The following TOGARAM2 variants were observed in gnomAD, a reference collection of about 807,000 sequenced individuals.
The protein encoded by TOGARAM2 is TOG array regulator of axonemal microtubules 2.
Under a neutral mutation model 93.3 loss-of-function variants are expected in TOGARAM2, and 85 were observed. That is an observed-to-expected ratio of 0.91 (90% CI 0.76 to 1.09). The LOEUF is 1.09. TOGARAM2 is among the 50% of genes least tolerant of loss of function. The probability of loss-of-function intolerance (pLI) is 0.00; values close to 1 mark genes in which losing one functional copy is unlikely to be tolerated. For missense variants in TOGARAM2, 1,277 were observed against 1,334.5 expected (o/e 0.96, Z 0.67); for synonymous variants, 593 against 552.8 (o/e 1.07, Z -1.02).
chr2:28,982,959 C>T (rs1672275664), intron 1 of TOGARAM2, among the ~76,000 whole-genome samples: 2 of 151,746 alleles, frequency 1.3e-5, no homozygotes, highest in African/African-American at 2.4e-5. Flanking sequence ...TCAAGTTTTC[C>T]ATCTATGTCT....
intron 13 of TOGARAM2, among the ~76,000 whole-genome samples, chr2:29,025,180 T>C (rs13008323): frequency 0.3 from 45,090 of 151,850 alleles, 6,796 homozygotes; most frequent in Middle Eastern, 0.35. Context: ...CCAGCCACAT[T>C]GCCTGGGTTC....
At chr2:29,001,281 G>A (rs748270646) in intron 4 of TOGARAM2, among the ~76,000 whole-genome samples, 1 of 152,186 alleles carries the variant, frequency 6.6e-6, no homozygotes, top group Non-Finnish European at 1.5e-5. Flanking sequence ...AGCACCGGAA[G>A]CCAGGAGGGG....
chr2:28,999,540 G>A (rs369783008), intron 4 of TOGARAM2, 72 bp downstream of exon 4: 4 of 1,477,866 alleles, frequency 2.7e-6, no homozygotes, highest in African/African-American at 2.8e-5. Context: ...CCAGGGCTGT[G>A]AGGGTCAGCA....
At chr2:28,977,260 A>G (rs1558395887), upstream of TOGARAM2, among the ~76,000 whole-genome samples, 1 of 152,174 alleles carries the variant, frequency 6.6e-6, no homozygotes, top group Non-Finnish European at 1.5e-5. Flanking sequence ...GCCATGCCCT[A>G]TGCTAACCAT....
chr2:29,052,126 C>G lies in TOGARAM2; in HGVS notation c.*33C>G. On this transcript the variant is annotated 3_prime_UTR_variant, in exon 20 of 20. Transcript: ENST00000379558. ...TCTGAAATGGGCAATTATTATTTAT[C>G]TTATTTTTTTGATGGACTATTCTCC... 2 of 1,484,884 alleles carry G rather than the reference C, an allele frequency of 1.3e-6. No individual in the cohort carries two copies. The highest frequency in any genetic ancestry group is 9.0e-7 in the Non-Finnish European group (1 of 1,114,034). 92.0% of individuals were successfully genotyped at this position (1,484,884 alleles called of 1,614,324 possible).
At chr2:28,997,193 C>G (rs1188784467) in intron 2 of TOGARAM2, among the ~76,000 whole-genome samples, 1 of 150,938 alleles carries the variant, frequency 6.6e-6, no homozygotes, top group Non-Finnish European at 1.5e-5. Context: ...TATTTGCAAA[C>G]TATCCATCCG....
intron 6 of TOGARAM2, among the ~76,000 whole-genome samples, chr2:29,007,410 A>G (rs1199251986): frequency 1.3e-5 from 2 of 152,022 alleles, no homozygotes; most frequent in African/African-American, 2.4e-5. Context: ...TCTCAGTGTC[A>G]TCTTTGACCC....
intron 18 of TOGARAM2, among the ~76,000 whole-genome samples, 154 bp downstream of exon 18, chr2:29,036,911 C>A (rs1666149436): frequency 6.6e-6 from 1 of 152,064 alleles, no homozygotes; most frequent in Admixed American, 6.6e-5. Context: ...GCCTCCAAGG[C>A]TCTTGGCCAG....
chr2:28,984,942 C>T (rs1414894300), intron 1 of TOGARAM2, among the ~76,000 whole-genome samples: 2 of 152,126 alleles, frequency 1.3e-5, no homozygotes, highest in African/African-American at 4.8e-5. Context: ...TGCTGAAGGC[C>T]TTGCCAGCTG....
At chr2:28,966,390 G>A (rs946938315) in intron 1 of TOGARAM2, among the ~76,000 whole-genome samples, 16 of 152,022 alleles carry the variant, frequency 1.1e-4, no homozygotes, top group South Asian at 1.0e-3. Context: ...CTCCACCTCC[G>A]GCGTTCAAGC....
chr2:29,017,304 G>T lies in TOGARAM2; in HGVS notation c.1195G>T (p.Gly399Cys). 1 of 1,593,742 alleles carries T rather than the reference G, an allele frequency of 6.3e-7. No homozygotes were observed. Among genetic ancestry groups the T allele is most frequent in the South Asian group, 1.1e-5 (1 of 88,418 alleles). The change falls in exon 9 of 20, where the codon GGC becomes TGC. Residue 399 changes from glycine (G) to cysteine (C), a missense_variant and splice_region_variant. Transcript: ENST00000379558. ...CTCCCAGAGAGCCTTCATGAAGGAA[G>T]GTACTGGGTGCCTGGTGTGGGATTT... Reference protein sequence around the residue: ...LGSQRAFMKEGLLPLRGSGTL... With the variant: ...LGSQRAFMKECLLPLRGSGTL...
chr2:29,026,784 T>C, intron 13 of TOGARAM2, 69 bp from the exon 14 acceptor site: 1 of 1,421,224 alleles, frequency 7.0e-7, no homozygotes, highest in Admixed American at 2.6e-5. Context: ...GGTAGATCCA[T>C]GTTTGCCAGC....
rs1209126138 is a variant in TOGARAM2, at chr2:29,036,542, T to A, written c.2420T>A (p.Val807Asp). ...TCTTGGTTTCTGTTTCTTCAATAGG[T>A]CTTTGATGCTTTCACCCCAAGGCTT... is the stretch of plus-strand genomic sequence containing the variant. ...TELVTAHLVQVFDAFTPRLQD... is the reference protein window; with the variant it reads ...TELVTAHLVQDFDAFTPRLQD... The change falls in exon 18 of 20, where the codon GTC becomes GAC. Residue 807 changes from valine (V) to aspartate (D), a missense_variant and splice_region_variant. By Grantham distance (152) the Val-to-Asp change is radical. Transcript: ENST00000379558. 6.2e-7 allele frequency: 1 copy of A among 1,613,866 alleles called. No individual in the cohort carries two copies. Among genetic ancestry groups the A allele is most frequent in the African/African-American group, 1.3e-5 (1 of 74,976 alleles).
chr2:29,037,781 T>A (rs1023101700), intron 18 of TOGARAM2, among the ~76,000 whole-genome samples: 1 of 152,250 alleles, frequency 6.6e-6, no homozygotes, highest in Non-Finnish European at 1.5e-5. Flanking sequence ...CTGAGTTTGT[T>A]GCTGTAGAAC....
At chr2:29,027,111 A>C (rs1458432303) in intron 14 of TOGARAM2, 100 bp downstream of exon 14, 19 of 1,222,222 alleles carry the variant, frequency 1.6e-5, no homozygotes, top group Non-Finnish European at 2.0e-5. Context: ...GATCCTGCAG[A>C]GGGACAGGCA....
At chr2:28,961,503 G>A (rs561628465) in intron 1 of TOGARAM2, among the ~76,000 whole-genome samples, 9 of 151,898 alleles carry the variant, frequency 5.9e-5, no homozygotes, top group South Asian at 4.2e-4. Context: ...CACCATGCCC[G>A]GCTAATTTTT....
At chr2:28,969,183 G>A (rs192253190) in intron 1 of TOGARAM2, among the ~76,000 whole-genome samples, 76 of 152,372 alleles carry the variant, frequency 5.0e-4, no homozygotes, top group African/African-American at 1.8e-3. Flanking sequence ...CTAGCTGGGC[G>A]TCAGGAGATT....
intron 8 of TOGARAM2, among the ~76,000 whole-genome samples, chr2:29,015,640 AGTT>A (rs1664520285): frequency 6.6e-6 from 1 of 152,172 alleles, no homozygotes; most frequent in Non-Finnish European, 1.5e-5. Flanking sequence ...CCCACATTGG[AGTT>A]GCCAATGACC....
intron 7 of TOGARAM2, among the ~76,000 whole-genome samples, chr2:29,011,915 T>A (rs148412549): frequency 1.5e-3 from 222 of 152,290 alleles, no homozygotes; most frequent in Non-Finnish European, 2.5e-3. Flanking sequence ...TCTTGACACA[T>A]CAAGCAGCTG....
Sources: allele counts gnomAD v4.1 joint callset (sites outside exome capture counted in the v4.1 genomes callset), GRCh38; gene constraint gnomAD v4.1.1; transcripts MANE v1.5; gene names NCBI Gene and HGNC (gene_info 2026-07-23, HGNC 2026-07-21).